GABRB1: variants seen among roughly 807,000 people sequenced by gnomAD.
GABRB1 encodes gamma-aminobutyric acid type A receptor subunit beta1, also known as gamma-aminobutyric acid receptor subunit beta-1.
GABRB1 carries 17 observed loss-of-function variants against 51.6 expected under a neutral mutation model. The ratio of observed to expected loss-of-function variants is 0.33; its 90% confidence interval spans 0.23 to 0.49. GABRB1 has a LOEUF of 0.49. Ranked by LOEUF, GABRB1 falls within the 20% of genes least tolerant of loss-of-function variation. The pLI is 0.99. For missense variants in GABRB1, 410 were observed against 600.6 expected (o/e 0.68, Z 3.32); for synonymous variants, 247 against 218.9 (o/e 1.13, Z -1.14).
intron 4 of GABRB1, among the ~76,000 whole-genome samples, chr4:47,212,790 G>T (rs1460827146): frequency 6.6e-6 from 1 of 152,114 alleles, no homozygotes; most frequent in Non-Finnish European, 1.5e-5. Flanking sequence ...GAATAAGGAA[G>T]TATAAAAATA....
chr4:47,284,387 A>G (rs1402841838), intron 4 of GABRB1, among the ~76,000 whole-genome samples: 2 of 152,182 alleles, frequency 1.3e-5, no homozygotes, highest in African/African-American at 2.4e-5. Flanking sequence ...GCTATTCTCA[A>G]TGCATCTCTT....
chr4:47,218,912 A>G (rs1720659703), intron 4 of GABRB1, among the ~76,000 whole-genome samples: 2 of 151,862 alleles, frequency 1.3e-5, no homozygotes, highest in Non-Finnish European at 2.9e-5. Context: ...ATAGGCAAAT[A>G]GACCCAAAAT....
At chr4:47,280,814 ATTTT>A (rs750413197) in intron 4 of GABRB1, among the ~76,000 whole-genome samples, 63 of 124,984 alleles carry the variant, frequency 5.0e-4, no homozygotes, top group African/African-American at 1.7e-3. Context: ...TGTCTGGCTA[ATTTT>A]TTTTTTTTTT....
intron 3 of GABRB1, among the ~76,000 whole-genome samples, chr4:47,103,514 T>G (rs1309395236): frequency 6.6e-6 from 1 of 152,032 alleles, no homozygotes; most frequent in African/African-American, 2.4e-5. Flanking sequence ...TGCTATTCTA[T>G]TTAACTATAT....
intron 4 of GABRB1, among the ~76,000 whole-genome samples, chr4:47,316,200 G>T (rs1456997250): frequency 6.6e-6 from 1 of 151,488 alleles, no homozygotes; most frequent in African/African-American, 2.4e-5. Flanking sequence ...TGTATAGTTT[G>T]GTGGTAATTA....
chr4:47,424,755 A>G (rs1729212318), intron 8 of GABRB1, among the ~76,000 whole-genome samples: 1 of 152,176 alleles, frequency 6.6e-6, no homozygotes, highest in Non-Finnish European at 1.5e-5. Flanking sequence ...ATCAGTTTGC[A>G]AAGTATATCA....
At chr4:47,386,430 G>T (rs1727796655) in intron 5 of GABRB1, among the ~76,000 whole-genome samples, 1 of 152,138 alleles carries the variant, frequency 6.6e-6, no homozygotes, top group Non-Finnish European at 1.5e-5. Flanking sequence ...TTTGTTTTGA[G>T]ATTTTATTGA....
chr4:47,076,533 G>A (rs1393825635), intron 3 of GABRB1, among the ~76,000 whole-genome samples: 2 of 152,136 alleles, frequency 1.3e-5, no homozygotes, highest in East Asian at 1.9e-4. Context: ...GCGGCTCTGA[G>A]TTGTTGCTGT....
intron 3 of GABRB1, among the ~76,000 whole-genome samples, chr4:47,054,271 T>C (rs1318820021): frequency 3.9e-5 from 6 of 152,026 alleles, no homozygotes. Flanking sequence ...ACCAGGAGAA[T>C]GTGTGAAAGT....
At chr4:47,389,759 T>C (rs894869634) in intron 5 of GABRB1, among the ~76,000 whole-genome samples, 2 of 152,250 alleles carry the variant, frequency 1.3e-5, no homozygotes, top group African/African-American at 2.4e-5. Flanking sequence ...GAAGCTAAGA[T>C]GCACAATTCC....
intron 5 of GABRB1, among the ~76,000 whole-genome samples, chr4:47,389,309 C>T (rs1244229385): frequency 1.3e-5 from 2 of 152,150 alleles, no homozygotes; most frequent in Non-Finnish European, 2.9e-5. Flanking sequence ...TATGGGCTGA[C>T]CCTTCCTCTG....
At chr4:47,282,203 A>T (rs1016913407) in intron 4 of GABRB1, among the ~76,000 whole-genome samples, 1 of 152,210 alleles carries the variant, frequency 6.6e-6, no homozygotes, top group African/African-American at 2.4e-5. Flanking sequence ...ATTTAATCAT[A>T]CTTCACTATT....
intron 4 of GABRB1, among the ~76,000 whole-genome samples, chr4:47,179,512 G>A (rs555643951): frequency 3.9e-5 from 6 of 151,938 alleles, no homozygotes; most frequent in Non-Finnish European, 8.8e-5. Context: ...TTTCACAATA[G>A]CAAAGACTTG....
At chr4:47,125,767 G>A (rs1291883172) in intron 3 of GABRB1, among the ~76,000 whole-genome samples, 1 of 147,868 alleles carries the variant, frequency 6.8e-6, no homozygotes, top group Non-Finnish European at 1.5e-5. Flanking sequence ...GTTTTAGCCG[G>A]GATGGTCTCA....
At chr4:47,056,797 T>C (rs1185620543) in intron 3 of GABRB1, among the ~76,000 whole-genome samples, 1 of 152,100 alleles carries the variant, frequency 6.6e-6, no homozygotes, top group African/African-American at 2.4e-5. Flanking sequence ...GAGATCGTTA[T>C]TGAGAAATCA....
chr4:47,262,854 T>A (rs956798000), intron 4 of GABRB1, among the ~76,000 whole-genome samples: 1 of 152,010 alleles, frequency 6.6e-6, no homozygotes, highest in African/African-American at 2.4e-5. Flanking sequence ...CATGGAATAC[T>A]ATGCAGCCAT....
intron 3 of GABRB1, among the ~76,000 whole-genome samples, chr4:47,069,249 A>G (rs1329505744): frequency 6.6e-6 from 1 of 152,172 alleles, no homozygotes; most frequent in Non-Finnish European, 1.5e-5. Context: ...TCCCTGAGTC[A>G]CTACAGATAA....
intron 3 of GABRB1, chr4:47,032,722 A>T: frequency 1.4e-6 from 1 of 702,170 alleles, no homozygotes; most frequent in South Asian, 1.5e-5. Flanking sequence ...GGGAAGGACG[A>T]GTGACTGTTG....
chr4:47,102,006 A>G (rs1714745139), intron 3 of GABRB1, among the ~76,000 whole-genome samples: 1 of 152,000 alleles, frequency 6.6e-6, no homozygotes, highest in African/African-American at 2.4e-5. Flanking sequence ...GAGCTCAAAT[A>G]AACTCCACTC....
Sources: allele counts gnomAD v4.1 joint callset (sites outside exome capture counted in the v4.1 genomes callset), GRCh38; gene constraint gnomAD v4.1.1; transcripts MANE v1.5; gene names NCBI Gene and HGNC (gene_info 2026-07-23, HGNC 2026-07-21).